Variants in NOS1AP observed in about 807,000 individuals in gnomAD.
NOS1AP encodes nitric oxide synthase 1 adaptor protein.
In NOS1AP, 21 loss-of-function variants were observed where a neutral mutation model predicts 56.2. That is an observed-to-expected ratio of 0.37 (90% CI 0.26 to 0.54). NOS1AP has a LOEUF of 0.54. NOS1AP is among the 20% of genes least tolerant of loss of function. The pLI, the probability that NOS1AP is intolerant of heterozygous loss-of-function variation, is 0.84. For synonymous variants in NOS1AP, 270 were observed against 274.6 expected, an observed-to-expected ratio of 0.98 and a Z score of 0.17; for missense variants, 522 against 657.8, an observed-to-expected ratio of 0.79 and a Z score of 2.26.
At chr1:162,351,980 C>T (rs1657512439) in intron 6 of NOS1AP, among the ~76,000 whole-genome samples, 1 of 152,124 alleles carries the variant, frequency 6.6e-6, no homozygotes, top group Non-Finnish European at 1.5e-5. Context: ...ACCTTTGCAG[C>T]TTCTGGGGCA....
At position 162,367,027 on chromosome 1, in the gene NOS1AP, C is replaced by T. The variant is rs1228209909; in HGVS notation, c.1106-25C>T. ...AACAACCTTGCCTAACGCTGCCCCT[C>T]TGCTACCTCTTGTCTCCCCTGCAGT... On this transcript the variant is annotated intron_variant, in intron 9 of 9. Coordinates refer to ENST00000361897, the MANE Select transcript of NOS1AP (RefSeq NM_014697.3). This position sits in a 1 kb window ranked among gnomAD's most constrained non-coding sequence, Gnocchi z 6.5. 1 of 1,613,658 alleles carries T rather than the reference C, an allele frequency of 6.2e-7. No individual in the cohort carries two copies. Among genetic ancestry groups the T allele is most frequent in the Admixed American group, 1.7e-5 (1 of 60,030 alleles).
intron 1 of NOS1AP, among the ~76,000 whole-genome samples, chr1:162,102,335 T>C (rs1333915110): frequency 6.6e-6 from 1 of 152,218 alleles, no homozygotes; most frequent in African/African-American, 2.4e-5. Flanking sequence ...GATGCGCTGC[T>C]GGATTTGGTT....
At chr1:162,291,372 A>G (rs1655276974) in intron 3 of NOS1AP, among the ~76,000 whole-genome samples, 1 of 152,188 alleles carries the variant, frequency 6.6e-6, no homozygotes, top group Non-Finnish European at 1.5e-5. Context: ...TGTGTGTAAT[A>G]ATGTCATTAA....
chr1:162,189,669 A>G lies in NOS1AP; in HGVS notation c.177+35193A>G, dbSNP rs550480765. Among the ~76,000 whole-genome samples, 32 of 152,342 alleles carry G rather than the reference A, an allele frequency of 2.1e-4. No homozygotes were observed. The South Asian group carries it at 6.4e-3, about 31-fold the overall frequency. ...AATACAAAGACACAGTAGACAGGGT[A>G]ACATCAGAGAGTGGTCAGTTCTGTG... On this transcript the variant is annotated intron_variant, in intron 2 of 9. Transcript: ENST00000361897.
At chr1:162,119,216 C>T (rs564166675) in intron 1 of NOS1AP, among the ~76,000 whole-genome samples, 24 of 152,214 alleles carry the variant, frequency 1.6e-4, no homozygotes, top group African/African-American at 5.1e-4. Context: ...CTTCCAGTAG[C>T]CCATGAGGAA....
chr1:162,244,617 CTA>C (rs1469390166), intron 2 of NOS1AP, among the ~76,000 whole-genome samples: 2 of 152,128 alleles, frequency 1.3e-5, no homozygotes, highest in Non-Finnish European at 2.9e-5. Flanking sequence ...TTCTATTATA[CTA>C]TATTGCTTTA....
intron 2 of NOS1AP, among the ~76,000 whole-genome samples, chr1:162,222,304 G>A (rs1041902974): frequency 6.6e-5 from 10 of 152,146 alleles, no homozygotes; most frequent in African/African-American, 2.2e-4. Context: ...TATACAATGC[G>A]GTATATAATA....
chr1:162,270,008 C>T (rs927230069), intron 2 of NOS1AP, among the ~76,000 whole-genome samples: 1 of 152,024 alleles, frequency 6.6e-6, no homozygotes, highest in Non-Finnish European at 1.5e-5. Flanking sequence ...GAGACTATGA[C>T]TATTATTTGT....
At chr1:162,167,629 A>G (rs981791091) in intron 2 of NOS1AP, among the ~76,000 whole-genome samples, 8 of 152,024 alleles carry the variant, frequency 5.3e-5, no homozygotes, top group Admixed American at 4.6e-4. Context: ...CTTTCCCTTC[A>G]TCAGGCTCAG....
chr1:162,239,836 C>T (rs79402125), intron 2 of NOS1AP, among the ~76,000 whole-genome samples: 7,367 of 152,152 alleles, frequency 0.048, 543 homozygotes, highest in African/African-American at 0.17. Flanking sequence ...ATAATGACTT[C>T]GAGAATAATT....
rs35785683 is a variant in NOS1AP at position 162,196,175 on chromosome 1, C to G, written c.177+41699C>G. Among the ~76,000 whole-genome samples the G allele has an allele frequency of 2.8e-3, 423 of 152,272 alleles. 1 individual carries two copies. The highest frequency in any genetic ancestry group is 4.2e-3 in the Non-Finnish European group (284 of 68,030). On this transcript the variant is annotated intron_variant, in intron 2 of 9. Transcript: ENST00000361897. ...CCAGTTCTTGGTCTTGCCTTTCCCC[C>G]AGTCATGTTTGGAGGAAAATGTGGT...
rs553177530 is a variant in NOS1AP, at chr1:162,319,579, G to A, written c.345-13438G>A. ...CTCATGACCTCATGCCTTTCCACAT[G>A]CAGTTTCCATTGCAAGGGCTCTCCC... On this transcript the variant is annotated intron_variant, in intron 4 of 9. Transcript: ENST00000361897. Among the ~76,000 whole-genome samples, 3 of 151,862 alleles carry A rather than the reference G, an allele frequency of 2.0e-5. No individual in the cohort carries two copies. The South Asian group carries it at 6.2e-4, about 32-fold the overall frequency.
At chr1:162,108,601 T>C (rs2102038174) in intron 1 of NOS1AP, among the ~76,000 whole-genome samples, 1 of 152,288 alleles carries the variant, frequency 6.6e-6, no homozygotes, top group African/African-American at 2.4e-5. Context: ...CATTATTATT[T>C]TGTAATTCCT....
intron 2 of NOS1AP, among the ~76,000 whole-genome samples, chr1:162,279,919 A>G (rs1328707524): frequency 6.6e-6 from 1 of 152,170 alleles, no homozygotes; most frequent in Admixed American, 6.5e-5. Flanking sequence ...GTCTCTTATC[A>G]TCCCTGGGCA....
chr1:162,282,635 G>T (rs189668152), intron 2 of NOS1AP, among the ~76,000 whole-genome samples: 297 of 152,046 alleles, frequency 2.0e-3, no homozygotes, highest in African/African-American at 6.6e-3. Flanking sequence ...GGTGCTTATG[G>T]TTTTGTTTTG....
intron 1 of NOS1AP, among the ~76,000 whole-genome samples, chr1:162,077,771 C>T (rs1691802125): frequency 6.6e-6 from 1 of 151,594 alleles, no homozygotes; most frequent in Non-Finnish European, 1.5e-5. Flanking sequence ...ATGGCCTTCC[C>T]TGTATGAAAT....
chr1:162,313,462 C>T (rs1656118607), intron 4 of NOS1AP, among the ~76,000 whole-genome samples: 2 of 152,148 alleles, frequency 1.3e-5, no homozygotes, highest in Admixed American at 6.6e-5. Flanking sequence ...GTTTTTCTCT[C>T]AGTAATATAT....
intron 4 of NOS1AP, among the ~76,000 whole-genome samples, chr1:162,301,031 A>G (rs370763974): frequency 1.3e-5 from 2 of 152,326 alleles, no homozygotes; most frequent in Admixed American, 6.5e-5. Flanking sequence ...TGATCAAAAT[A>G]AGAAAACTGG....
At chr1:162,088,237 C>T (rs1247441452) in intron 1 of NOS1AP, among the ~76,000 whole-genome samples, 1 of 152,142 alleles carries the variant, frequency 6.6e-6, no homozygotes, top group Non-Finnish European at 1.5e-5. Flanking sequence ...TGAGGGCTAA[C>T]ACTTAACCTT....
Sources: allele counts gnomAD v4.1 joint callset (sites outside exome capture counted in the v4.1 genomes callset), GRCh38; gene constraint gnomAD v4.1.1; non-coding constraint Gnocchi (gnomAD v3.1); transcripts MANE v1.5; gene names NCBI Gene and HGNC (gene_info 2026-07-23, HGNC 2026-07-21).